The following C5orf46 variants were observed in gnomAD, a reference collection of about 807,000 sequenced individuals.
C5orf46 encodes the protein chromosome 5 open reading frame 46.
C5orf46 carries 9 observed loss-of-function variants against 8.9 expected under a neutral mutation model. The ratio of observed to expected loss-of-function variants is 1.01; its 90% CI spans 0.61 to 1.76. The LOEUF is 1.76. Among genes scored for constraint, C5orf46 ranks in the 40% most tolerant of loss-of-function variants. The pLI is 0.00. For synonymous variants in C5orf46, 47 were observed against 41.4 expected (o/e 1.14, Z -0.52); for missense variants, 98 against 107.8 (o/e 0.91, Z 0.40).
At chr5:147,890,591 A>C (rs1023287330), downstream of C5orf46, among the ~76,000 whole-genome samples, 1 of 152,210 alleles carries the variant, frequency 6.6e-6, no homozygotes, top group Non-Finnish European at 1.5e-5. Context: ...TTTAAATAAA[A>C]TGATCAATGA....
chr5:147,898,051 A>G (rs1757610793), intron 2 of C5orf46, among the ~76,000 whole-genome samples: 1 of 152,170 alleles, frequency 6.6e-6, no homozygotes, highest in South Asian at 2.1e-4. Flanking sequence ...AAAAACTTTC[A>G]AGCATGGCAG....
intron 3 of C5orf46, among the ~76,000 whole-genome samples, chr5:147,896,415 G>A (rs1430845439): frequency 1.3e-5 from 2 of 152,130 alleles, no homozygotes; most frequent in African/African-American, 4.8e-5. Flanking sequence ...TAAGAACACA[G>A]TTCATACCAG....
intron 2 of C5orf46, among the ~76,000 whole-genome samples, chr5:147,897,800 A>G (rs1466863662): frequency 6.6e-6 from 1 of 152,186 alleles, no homozygotes; most frequent in Non-Finnish European, 1.5e-5. Flanking sequence ...TAGACTTGCC[A>G]AGTGAACAGA....
chr5:147,897,193 T>C (rs1173158294), intron 2 of C5orf46, 152 bp from the exon 3 acceptor site: 22 of 443,410 alleles, frequency 5.0e-5, no homozygotes, highest in Non-Finnish European at 8.5e-5. Flanking sequence ...TTCTACATAG[T>C]TCATAGTGGG....
In C5orf46 at chr5:147,897,037, A is replaced by G; in HGVS notation, c.220T>C (p.Phe74Leu). 1.4e-6 allele frequency: 2 copies of G among 1,470,698 alleles called. No homozygotes were observed. The highest frequency in any genetic ancestry group is 1.4e-5 in the African/African-American group (1 of 72,078). The allele number at this position is 1,470,698 out of a possible 1,614,324, so 91.1% of individuals were successfully genotyped here. The change falls in exon 3 of 4, where the codon TTT becomes CTT. Residue 74 changes from phenylalanine to leucine, a missense_variant. Phe to Leu is a conservative substitution (Grantham distance 22). Transcript: ENST00000318315. ...ILRSMSRSTG[F>L]MEFDDNEGKH... Reference sequence around the variant, plus strand: ...CCTTCATTATCATCAAATTCCATAAATCCTCTTGAGAAAAAAAGAGAAAAT... The same window carrying G: ...CCTTCATTATCATCAAATTCCATAAGTCCTCTTGAGAAAAAAAGAGAAAAT...
In C5orf46 at chr5:147,895,049, T is replaced by C. The variant is rs1416368362; in HGVS notation, c.*9+1935A>G. ...CTGCACTCCAACCTGGGTGACAGAG[T>C]GAGACTCTGTCTCAAAAAAAAAAAA... On this transcript the variant is annotated intron_variant, in intron 3 of 3. Coordinates refer to ENST00000318315, the MANE Select transcript of C5orf46 (RefSeq NM_206966.3). 3.4e-5 allele frequency among the ~76,000 whole-genome samples: 5 copies of C among 146,000 alleles called. No homozygotes were observed. The East Asian group carries it at 1.0e-3, about 29-fold the overall frequency.
At chr5:147,889,286 C>T (rs74822063), downstream of C5orf46, among the ~76,000 whole-genome samples, 1,068 of 152,198 alleles carry the variant, frequency 7.0e-3, 11 homozygotes, top group African/African-American at 0.024. Flanking sequence ...AGCACTCACC[C>T]AAACCCCACT....
At chr5:147,901,828 C>CT in intron 1 of C5orf46, 55 bp from the exon 2 acceptor site, 2 of 1,572,376 alleles carry the variant, frequency 1.3e-6, no homozygotes, top group Non-Finnish European at 1.7e-6. Context: ...AGGAATCATT[C>CT]TTTCTGTGTG....
Position 147,906,498 on chromosome 5 carries a change from C to T in C5orf46, c.4G>A (p.Ala2Thr), listed in dbSNP as rs375716588. 1.2e-6 allele frequency: 2 copies of T among 1,608,482 alleles called. No homozygotes were observed. Among genetic ancestry groups the T allele is most frequent in the African/African-American group, 1.3e-5 (1 of 74,852 alleles). The change falls in exon 1 of 4, where the codon GCT (alanine) becomes ACT (threonine). Residue 2 changes from alanine (A) to threonine (T), a missense_variant. Coordinates refer to ENST00000318315, the MANE Select transcript of C5orf46 (RefSeq NM_206966.3). ...ACTGTCAGGCGAAGTACTGAGACAG[C>T]CATTCTGGTAGCACGGGGTATTCGT... MAVSVLRLTVVL... is the reference protein window; with the variant it reads MTVSVLRLTVVL...
chr5:147,905,255 T>A (rs1010339781), intron 1 of C5orf46, among the ~76,000 whole-genome samples: 6 of 152,214 alleles, frequency 3.9e-5, no homozygotes, highest in Non-Finnish European at 7.3e-5. Flanking sequence ...TGTAGAGTTT[T>A]AATAGTTTAC....
chr5:147,896,920 C>A, intron 3 of C5orf46, 64 bp downstream of exon 3: 2 of 708,942 alleles, frequency 2.8e-6, no homozygotes, highest in Non-Finnish European at 4.5e-6. Flanking sequence ...TAAAACTGGA[C>A]AGACTCTTTT....
chr5:147,896,646 A>G (rs1159253273), intron 3 of C5orf46, among the ~76,000 whole-genome samples: 2 of 152,136 alleles, frequency 1.3e-5, no homozygotes, highest in Non-Finnish European at 2.9e-5. Flanking sequence ...TAACTGCATG[A>G]TTACGTGGGT....
At chr5:147,901,376 G>T in intron 2 of C5orf46, 1 of 271,804 alleles carries the variant, frequency 3.7e-6, no homozygotes, top group Non-Finnish European at 6.4e-6. Flanking sequence ...ATTTGCTCCT[G>T]AGATTAAAAA....
chr5:147,901,734 G>T lies in C5orf46; in HGVS notation c.110C>A (p.Ser37Ter). 3 of 1,613,916 alleles carry T rather than the reference G, an allele frequency of 1.9e-6. No individual in the cohort carries two copies. The South Asian group carries it at 3.3e-5, about 18-fold the overall frequency. Reference sequence around the variant, plus strand: ...GAAGTCTGGCTTTGGGTCTTTGCCCGAGTCGTCTGGCTTGTCGTCTGGCTT... The same window carrying T: ...GAAGTCTGGCTTTGGGTCTTTGCCCTAGTCGTCTGGCTTGTCGTCTGGCTT... The part of the protein sequence containing the change: ...PDKPDDKPDD[S>*]GKDPKPDFPK... The change falls in exon 2 of 4, where the codon TCG (serine) becomes TAG (stop). Residue 37 changes from serine (S) to a stop codon, truncating the protein, a stop_gained. Transcript: ENST00000318315. LOFTEE classifies it high-confidence loss of function.
At chr5:147,905,337 T>G (rs1757734088) in intron 1 of C5orf46, among the ~76,000 whole-genome samples, 1 of 152,156 alleles carries the variant, frequency 6.6e-6, no homozygotes, top group South Asian at 2.1e-4. Context: ...ATAAAGAAAC[T>G]GAGGTTCAAA....
At chr5:147,894,653 G>T (rs1226100309) in intron 3 of C5orf46, among the ~76,000 whole-genome samples, 1 of 151,856 alleles carries the variant, frequency 6.6e-6, no homozygotes, top group Non-Finnish European at 1.5e-5. Flanking sequence ...CTATGTGATT[G>T]CTGAGTCCAT....
intron 3 of C5orf46, among the ~76,000 whole-genome samples, chr5:147,896,034 C>A (rs1757574977): frequency 6.6e-6 from 1 of 152,164 alleles, no homozygotes; most frequent in Non-Finnish European, 1.5e-5. Flanking sequence ...AAAGGCCATG[C>A]TTCCTGAATA....
At chr5:147,886,770 TTTTTG>T (rs1315281674) in intron 2 of C5orf46, 1 of 132,224 alleles carries the variant, frequency 7.6e-6, no homozygotes, top group African/African-American at 2.5e-5. Flanking sequence ...CTAATTATAT[TTTTTG>T]TTATTATAAA....
intron 1 of C5orf46, among the ~76,000 whole-genome samples, chr5:147,906,150 A>T (rs7722416): frequency 1.1e-4 from 17 of 152,132 alleles, no homozygotes; most frequent in African/African-American, 3.9e-4. Context: ...AATAAATGCC[A>T]GTCAGCTCCC....
Sources: allele counts gnomAD v4.1 joint callset (sites outside exome capture counted in the v4.1 genomes callset), GRCh38; gene constraint gnomAD v4.1.1; transcripts MANE v1.5; gene names NCBI Gene and HGNC (gene_info 2026-07-23, HGNC 2026-07-21).